The following FAM200B variants were observed in gnomAD, a reference collection of about 807,000 sequenced individuals.
The protein encoded by FAM200B is protein FAM200B.
FAM200B carries 32 observed loss-of-function variants against 33.1 expected under a neutral mutation model. The observed-to-expected ratio is 0.97, with a 90% CI of 0.73 to 1.30. The LOEUF is 1.30. FAM200B is among the 50% of genes most tolerant of loss of function. The pLI, the probability that FAM200B is intolerant of heterozygous loss-of-function variation, is 0.00. For synonymous variants in FAM200B, 240 were observed against 264.8 expected (o/e 0.91, Z 0.91); for missense variants, 741 against 754.0 (o/e 0.98, Z 0.20).
At chr4:15,679,245 TAG>T (rs1245572873), upstream of FAM200B, among the ~76,000 whole-genome samples, 1 of 152,024 alleles carries the variant, frequency 6.6e-6, no homozygotes, top group African/African-American at 2.4e-5. Flanking sequence ...GTATTTTTAG[TAG>T]AGACAGGGTT....
At position 15,681,884 on chromosome 4, in the gene FAM200B, G is replaced by C. The variant is rs1005229424; in HGVS notation, c.-760G>C. On this transcript the variant is annotated 5_prime_UTR_variant, in exon 1 of 2. Coordinates refer to ENST00000422728, the MANE Select transcript of FAM200B (RefSeq NM_001145191.2). ...TTGCAGCGCTGGGCCCGGCCGGGTC[G>C]CTGCGGCTGGGCTGGAGGTGAGGCG... 1 of 153,196 alleles carries C rather than the reference G, an allele frequency of 6.5e-6. No individual in the cohort carries two copies. The highest frequency in any genetic ancestry group is 1.5e-5 in the Non-Finnish European group (1 of 68,792). 9.5% of individuals were successfully genotyped at this position (153,196 alleles called of 1,614,324 possible). A position where few individuals can be genotyped will look rare whatever the true frequency, so the allele number is the denominator to read the frequency against.
At chr4:15,677,336 TAGG>T (rs1431172743), upstream of FAM200B, among the ~76,000 whole-genome samples, 10 of 152,336 alleles carry the variant, frequency 6.6e-5, no homozygotes, top group Non-Finnish European at 5.9e-5. Context: ...AATTTCCTAA[TAGG>T]AGGTGTCTTT....
At chr4:15,639,583 G>A in the FAM200B span, among the ~76,000 whole-genome samples, 188 of 152,278 alleles carry the variant, frequency 1.2e-3, no homozygotes, top group African/African-American at 4.3e-3. Context: ...ATCTTTAGAG[G>A]TTGGAAACAA....
the FAM200B span, among the ~76,000 whole-genome samples, chr4:15,645,498 G>A: frequency 6.6e-6 from 1 of 152,078 alleles, no homozygotes. Context: ...CATGATCTCA[G>A]CTCACTGCAG....
the FAM200B span, among the ~76,000 whole-genome samples, chr4:15,638,865 G>A: frequency 1.4e-3 from 215 of 152,266 alleles, 1 homozygote; most frequent in Non-Finnish European, 2.6e-3. Flanking sequence ...GCAGAGAAGA[G>A]TACACCAAGA....
rs188272543 is a variant in FAM200B, at chr4:15,686,845, A to G, written c.-133A>G. 2.4e-4 allele frequency: 115 copies of G among 484,598 alleles called. No homozygotes were observed. The highest frequency in any genetic ancestry group is 2.1e-3 in the African/African-American group (104 of 49,622). The allele number at this position is 484,598 out of a possible 1,614,324, so 30.0% of individuals were successfully genotyped here. On this transcript the variant is annotated 5_prime_UTR_variant, in exon 2 of 2. Coordinates refer to ENST00000422728, the MANE Select transcript of FAM200B (RefSeq NM_001145191.2). ...ACTTGCAACTAGTTGTGAAGTCTGA[A>G]ATATTCGATTCAATTGCAAACTTTG...
Position 15,688,521 on chromosome 4 carries a change from T to C in FAM200B, c.1544T>C (p.Leu515Pro). 2 of 1,547,364 alleles carry C rather than the reference T, an allele frequency of 1.3e-6. No individual in the cohort carries two copies. Among genetic ancestry groups the C allele is most frequent in the Non-Finnish European group, 1.7e-6 (2 of 1,143,608 alleles). Residue 515 changes from leucine to proline, a missense_variant, in exon 2 of 2, where the codon CTG (leucine) becomes CCG (proline). Leu to Pro is a moderately conservative substitution (Grantham distance 98). Coordinates refer to ENST00000422728, the MANE Select transcript of FAM200B (RefSeq NM_001145191.2). The part of the protein sequence containing the change: ...KLEILLHLTS[L>P]SQTFNHFFPE... ...GAGATATTGTTGCATCTCACTTCTC[T>C]GTCTCAAACTTTTAACCATTTCTTT... is the stretch of plus-strand genomic sequence containing the variant.
the FAM200B span, chr4:15,655,313 G>C: frequency 1.5e-6 from 2 of 1,368,152 alleles, no homozygotes; most frequent in Non-Finnish European, 9.7e-7. Flanking sequence ...CTCCGCCTCA[G>C]CAGCCGCGGC....
chr4:15,641,147 T>C, the FAM200B span, among the ~76,000 whole-genome samples: 2 of 152,166 alleles, frequency 1.3e-5, no homozygotes, highest in Non-Finnish European at 2.9e-5. Flanking sequence ...TTTATTGATG[T>C]ATATATAAAT....
At chr4:15,654,876 G>A in the FAM200B span, among the ~76,000 whole-genome samples, 1 of 152,152 alleles carries the variant, frequency 6.6e-6, no homozygotes, top group Non-Finnish European at 1.5e-5. Flanking sequence ...CTTAGAGGCA[G>A]CAGCGGGAGT....
Position 15,689,088 on chromosome 4 carries a change from T to G in FAM200B, c.*137T>G, listed in dbSNP as rs550968674. ...TTTTGTTATATTTAATAAAATTATTTTATGTTCATTGAACAAAAATTTAAT... is the reference window on the plus strand; with the variant it reads ...TTTTGTTATATTTAATAAAATTATTGTATGTTCATTGAACAAAAATTTAAT... On this transcript the variant is annotated 3_prime_UTR_variant, in exon 2 of 2. Coordinates refer to ENST00000422728, the MANE Select transcript of FAM200B (RefSeq NM_001145191.2). 1 of 693,042 alleles carries G rather than the reference T, an allele frequency of 1.4e-6. No homozygotes were observed. The highest frequency in any genetic ancestry group is 1.9e-5 in the African/African-American group (1 of 53,632). 42.9% of individuals were successfully genotyped at this position (693,042 alleles called of 1,614,324 possible).
upstream of FAM200B, chr4:15,681,606 T>C (rs758091995): frequency 1.3e-5 from 2 of 152,494 alleles, no homozygotes; most frequent in Non-Finnish European, 2.9e-5. Context: ...GTTACCGCCC[T>C]GGCATTCAAA....
the FAM200B span, among the ~76,000 whole-genome samples, chr4:15,667,177 C>T: frequency 2.0e-5 from 3 of 152,162 alleles, no homozygotes; most frequent in Non-Finnish European, 2.9e-5. Flanking sequence ...GAATACACGT[C>T]GTAGTACTTA....
In FAM200B at chr4:15,687,673, C is replaced by T. The variant is rs1265039149; in HGVS notation, c.696C>T (p.Ser232=). ...ATTTTGCAATCCAGCTTGATGAAAG[C>T]ACTGATATTGGAAGCTGCACAACAC... ...GIDFAIQLDE[S]TDIGSCTTLL... is the part of the protein sequence containing the mutation. Residue 232 remains serine, a synonymous_variant, in exon 2 of 2, where the codon AGC becomes AGT. Transcript: ENST00000422728. 18 of 1,550,944 alleles carry T rather than the reference C, an allele frequency of 1.2e-5. No homozygotes were observed. The highest frequency in any genetic ancestry group is 1.6e-5 in the Non-Finnish European group (18 of 1,146,632).
chr4:15,686,102 A>G (rs1455262581), intron 1 of FAM200B, 134 bp from the exon 2 acceptor site: 1 of 152,174 alleles, frequency 6.6e-6, no homozygotes, highest in Non-Finnish European at 1.5e-5. Flanking sequence ...CCAATATAAG[A>G]TAGTGATAAA....
upstream of FAM200B, among the ~76,000 whole-genome samples, chr4:15,678,875 TG>T (rs1167423289): frequency 3.9e-5 from 6 of 152,206 alleles, no homozygotes; most frequent in Admixed American, 2.0e-4. Context: ...CTCACTCTAC[TG>T]TTGGTTCATA....
the FAM200B span, among the ~76,000 whole-genome samples, chr4:15,665,166 A>G: frequency 6.6e-6 from 1 of 152,186 alleles, no homozygotes; most frequent in Non-Finnish European, 1.5e-5. Context: ...TTATGAGCTT[A>G]GCTGCCAATG....
upstream of FAM200B, among the ~76,000 whole-genome samples, chr4:15,679,930 G>C (rs967966322): frequency 6.6e-6 from 1 of 152,166 alleles, no homozygotes; most frequent in African/African-American, 2.4e-5. Flanking sequence ...TGCAAATGTA[G>C]AAATGACATG....
chr4:15,687,039 C>G lies in FAM200B; in HGVS notation c.62C>G (p.Ser21Ter). Residue 21 changes from serine to a stop codon, truncating the protein, a stop_gained, in exon 2 of 2, where the codon TCA (serine) becomes TGA (stop). Coordinates refer to ENST00000422728, the MANE Select transcript of FAM200B (RefSeq NM_001145191.2). LOFTEE classifies it high-confidence loss of function. ...GAAGTGAAATATACAGAAGCATGTT[C>G]AAGTTCATCTGTTGAATCTGGAATT... ...NSEVKYTEAC[S>*]SSSVESGIVN... The G allele has an allele frequency of 6.6e-7, 1 of 1,518,710 alleles. No individual in the cohort carries two copies. Among genetic ancestry groups the G allele is most frequent in the Non-Finnish European group, 8.9e-7 (1 of 1,124,900 alleles). 94.1% of individuals were successfully genotyped at this position (1,518,710 alleles called of 1,614,324 possible).
Sources: gnomAD v4.1 joint callset for allele counts (sites outside exome capture counted in the v4.1 genomes callset) on GRCh38, gnomAD v4.1.1 for gene constraint, MANE v1.5 for transcripts, NCBI Gene and HGNC (gene_info 2026-07-23, HGNC 2026-07-21) for gene names.